Variants in HNRNPC observed in about 807,000 individuals in gnomAD.
HNRNPC encodes heterogeneous nuclear ribonucleoprotein C, also known as heterogeneous nuclear ribonucleoproteins C1/C2.
In HNRNPC, 3 loss-of-function variants were observed where a neutral mutation model predicts 33.2. The observed-to-expected ratio is 0.09, with a 90% CI of 0.04 to 0.23. HNRNPC has a LOEUF of 0.23. Ranked by LOEUF, HNRNPC falls within the 10% of genes least tolerant of loss-of-function variation. The pLI, the probability that HNRNPC is intolerant of heterozygous loss-of-function variation, is 1.00. For synonymous variants in HNRNPC, 121 were observed against 126.7 expected (o/e 0.96, Z 0.30); for missense variants, 143 against 366.7 (o/e 0.39, Z 4.98).
At chr14:21,261,274 C>A (rs1214858167) in intron 2 of HNRNPC, among the ~76,000 whole-genome samples, 3 of 152,062 alleles carry the variant, frequency 2.0e-5, no homozygotes, top group Non-Finnish European at 4.4e-5. Flanking sequence ...CACAACATGT[C>A]CCATAAAAAT....
rs78317747 is a variant in HNRNPC, at chr14:21,224,285, G to T, written c.365+6034C>A. ...ATTAACTATTAATAGTTGAAGAAAT[G>T]ATGGTTTGACAGTTCTGTCTTGAAT... On this transcript the variant is annotated intron_variant, in intron 5 of 8. Coordinates refer to ENST00000553300, the MANE Select transcript of HNRNPC (RefSeq NM_004500.4). Among the ~76,000 whole-genome samples the T allele has an allele frequency of 7.1e-3, 1,078 of 152,206 alleles. 10 individuals are homozygous for T. Among genetic ancestry groups the T allele is most frequent in the Non-Finnish European group, 0.012 (838 of 68,014 alleles).
chr14:21,214,610 TC>T (rs1187845124), intron 5 of HNRNPC, among the ~76,000 whole-genome samples: 2 of 152,166 alleles, frequency 1.3e-5, no homozygotes, highest in Non-Finnish European at 2.9e-5. Flanking sequence ...AGTTTGCATT[TC>T]CCCTAAGTAT....
chr14:21,256,651 T>C (rs576098092), intron 2 of HNRNPC, among the ~76,000 whole-genome samples: 1 of 151,928 alleles, frequency 6.6e-6, no homozygotes, highest in African/African-American at 2.4e-5. Flanking sequence ...ACAGCATTTT[T>C]TCCTTTCTTT....
chr14:21,242,606 G>A (rs1323872305), intron 2 of HNRNPC, among the ~76,000 whole-genome samples: 2 of 152,306 alleles, frequency 1.3e-5, no homozygotes, highest in African/African-American at 2.4e-5. Flanking sequence ...GGTGAGTGGA[G>A]TACAGGATTT....
chr14:21,265,120 G>A (rs1473525349), intron 1 of HNRNPC: 2 of 152,196 alleles, frequency 1.3e-5, no homozygotes, highest in Non-Finnish European at 2.9e-5. Flanking sequence ...GAACAGTGTA[G>A]GAATGACAGT....
intron 2 of HNRNPC, among the ~76,000 whole-genome samples, chr14:21,257,473 C>A (rs570737715): frequency 1.3e-5 from 2 of 151,868 alleles, no homozygotes; most frequent in South Asian, 4.2e-4. Context: ...GACCCCTGGG[C>A]TTAGTTAATG....
intron 2 of HNRNPC, among the ~76,000 whole-genome samples, chr14:21,243,735 A>C (rs1895631747): frequency 6.6e-6 from 1 of 152,150 alleles, no homozygotes; most frequent in African/African-American, 2.4e-5. Context: ...GAGGATATTC[A>C]ATTTCAAGTA....
intron 5 of HNRNPC, among the ~76,000 whole-genome samples, chr14:21,226,890 A>AAG (rs571741023): frequency 0.15 from 15,809 of 108,776 alleles, 1,661 homozygotes; most frequent in South Asian, 0.23. Flanking sequence ...AAAAAAAAAA[A>AAG]AAAAAGGGGG....
At chr14:21,248,080 T>A (rs1896202696) in intron 2 of HNRNPC, among the ~76,000 whole-genome samples, 1 of 151,350 alleles carries the variant, frequency 6.6e-6, no homozygotes, top group Non-Finnish European at 1.5e-5. Context: ...TTAAATAGAG[T>A]ATAAACAAAA....
chr14:21,242,900 G>T (rs180787796), intron 2 of HNRNPC, among the ~76,000 whole-genome samples: 141 of 152,224 alleles, frequency 9.3e-4, no homozygotes, highest in African/African-American at 3.2e-3. Context: ...AAAACTAGGG[G>T]CCTTTTTCTA....
chr14:21,264,997 G>C (rs572702443), intron 1 of HNRNPC: 1 of 152,204 alleles, frequency 6.6e-6, no homozygotes, highest in East Asian at 1.9e-4. Context: ...AGCCAGGCCA[G>C]AGAGAGACCC....
At chr14:21,236,334 C>A (rs1351441353) in intron 2 of HNRNPC, 1 of 152,134 alleles carries the variant, frequency 6.6e-6, no homozygotes, top group East Asian at 1.9e-4. Flanking sequence ...ATCCCAACTT[C>A]CAAAGTTTGC....
At chr14:21,267,560 T>C (rs1034079072) in intron 1 of HNRNPC, among the ~76,000 whole-genome samples, 2 of 151,862 alleles carry the variant, frequency 1.3e-5, no homozygotes, top group Non-Finnish European at 2.9e-5. Context: ...AAAAAAAAGG[T>C]CAGAAAACCT....
At chr14:21,252,776 T>C (rs1277122239) in intron 2 of HNRNPC, among the ~76,000 whole-genome samples, 6 of 152,092 alleles carry the variant, frequency 3.9e-5, no homozygotes, top group Admixed American at 3.3e-4. Context: ...GATGGGGAGA[T>C]GTAGATACAA....
intron 2 of HNRNPC, among the ~76,000 whole-genome samples, chr14:21,252,318 G>A (rs937992436): frequency 6.6e-6 from 1 of 152,040 alleles, no homozygotes; most frequent in Non-Finnish European, 1.5e-5. Flanking sequence ...GTCTTTTTTT[G>A]TTGTTGTTTT....
intron 4 of HNRNPC, 174 bp downstream of exon 4, chr14:21,230,823 T>G: frequency 1.5e-6 from 1 of 659,392 alleles, no homozygotes. Context: ...AGAGACATAT[T>G]AACACAAAAA....
At chr14:21,236,711 T>C (rs1387978438) in intron 2 of HNRNPC, among the ~76,000 whole-genome samples, 2 of 152,160 alleles carry the variant, frequency 1.3e-5, no homozygotes, top group Non-Finnish European at 2.9e-5. Context: ...TAAAGTATCA[T>C]ACAGGTGAAA....
intron 5 of HNRNPC, among the ~76,000 whole-genome samples, chr14:21,220,384 C>T (rs561941830): frequency 2.6e-5 from 4 of 152,148 alleles, no homozygotes; most frequent in East Asian, 1.9e-4. Context: ...CCCACCACCA[C>T]GCCCAGCTAA....
chr14:21,217,417 A>G (rs1892307274), intron 5 of HNRNPC, among the ~76,000 whole-genome samples: 1 of 152,256 alleles, frequency 6.6e-6, no homozygotes. Context: ...GTAAACCAGT[A>G]TGCTCATTTG....
Sources: allele counts gnomAD v4.1 joint callset (sites outside exome capture counted in the v4.1 genomes callset), GRCh38; gene constraint gnomAD v4.1.1; transcripts MANE v1.5; gene names NCBI Gene and HGNC (gene_info 2026-07-23, HGNC 2026-07-21).